Variants in DENND5A observed in about 807,000 individuals in gnomAD.
The protein encoded by DENND5A is DENN domain containing 5A.
DENND5A carries 64 observed loss-of-function variants against 140.3 expected under a neutral mutation model. The observed-to-expected ratio is 0.46, with a 90% CI of 0.37 to 0.56. DENND5A has a LOEUF of 0.56. DENND5A is among the 20% of genes least tolerant of loss of function. DENND5A has a pLI of 0.00. For missense variants in DENND5A, 1,292 were observed against 1,593.8 expected, an observed-to-expected ratio of 0.81 and a Z score of 3.22; for synonymous variants, 605 against 607.7, an observed-to-expected ratio of 1.00 and a Z score of 0.07.
chr11:9,150,333 T>C, intron 14 of DENND5A, 124 bp from the exon 15 acceptor site: 2 of 1,180,750 alleles, frequency 1.7e-6, no homozygotes, highest in Non-Finnish European at 2.4e-6. Context: ...GGAGAGCCTA[T>C]CTCTATATTC....
Position 9,265,131 on chromosome 11 carries a change from G to A in DENND5A, c.-62C>T, listed in dbSNP as rs1213824759. On this transcript the variant is annotated 5_prime_UTR_variant, in exon 1 of 23. Transcript: ENST00000328194. The surrounding 1 kb of genome is among the most constrained non-coding windows in gnomAD (Gnocchi z 4.7). ...GGCACCGAGCCCCCGCAACCCGGGC[G>A]CCCGCCCGTCCGCCCTCAGGCCGCC... 1.8e-5 allele frequency: 19 copies of A among 1,034,098 alleles called. No individual in the cohort carries two copies. Among genetic ancestry groups the A allele is most frequent in the Non-Finnish European group, 2.3e-5 (19 of 838,044 alleles). 64.1% of individuals were successfully genotyped at this position (1,034,098 alleles called of 1,614,324 possible). A position where few individuals can be genotyped will look rare whatever the true frequency, so the allele number is the denominator to read the frequency against.
Position 9,142,007 on chromosome 11 carries a change from T to C in DENND5A, c.3613A>G (p.Ile1205Val), listed in dbSNP as rs1847259929. Reference sequence around the variant, plus strand: ...CCGATGTTCCGGGGAGTATTGTTGATTGCAGTGACAAATCGGCAGAAGTTC... The same window carrying C: ...CCGATGTTCCGGGGAGTATTGTTGACTGCAGTGACAAATCGGCAGAAGTTC... The part of the protein sequence containing the change: ...ARNFCRFVTA[I>V]NNTPRNIGKD... Residue 1205 changes from isoleucine to valine, a missense_variant, in exon 22 of 23, where the codon ATC becomes GTC. Physicochemically the swap from Ile to Val is conservative, Grantham distance 29. Around this residue, in one of 4 missense-constraint regions of DENND5A, gnomAD observed 498 missense variants for 689.7 expected, o/e 0.72. Transcript: ENST00000328194. The C allele has an allele frequency of 6.2e-7, 1 of 1,607,300 alleles. No individual in the cohort carries two copies. Among genetic ancestry groups the C allele is most frequent in the Non-Finnish European group, 8.5e-7 (1 of 1,177,190 alleles).
rs565343456 is a variant in DENND5A, at chr11:9,257,642, C to T, written c.109+7319G>A. Among the ~76,000 whole-genome samples, 28 of 151,400 alleles carry T rather than the reference C, an allele frequency of 1.8e-4. No individual in the cohort carries two copies. The South Asian group carries it at 5.5e-3, about 29-fold the overall frequency. ...GACTACAGGTGCCCGCCATCGCACC[C>T]GGCTAATTTTTTTGAATTTTTAGTA... On this transcript the variant is annotated intron_variant, in intron 1 of 22. Transcript: ENST00000328194.
intron 1 of DENND5A, among the ~76,000 whole-genome samples, chr11:9,263,613 C>T (rs1329194390): frequency 1.4e-5 from 2 of 146,488 alleles, no homozygotes; most frequent in East Asian, 2.1e-4. Flanking sequence ...GAGGCCGAGG[C>T]GGGTGGATCA....
chr11:9,243,667 T>C (rs1351330500), intron 1 of DENND5A, among the ~76,000 whole-genome samples: 2 of 152,242 alleles, frequency 1.3e-5, no homozygotes, highest in East Asian at 3.9e-4. Context: ...GTAGGCGGAT[T>C]ACAAGGTCAG....
chr11:9,164,620 T>C (rs1317156398), intron 11 of DENND5A, among the ~76,000 whole-genome samples: 2 of 152,204 alleles, frequency 1.3e-5, no homozygotes, highest in African/African-American at 2.4e-5. Context: ...TAAGAATGAA[T>C]GTCTTTGTAG....
intron 4 of DENND5A, among the ~76,000 whole-genome samples, chr11:9,197,707 G>C (rs1417781160): frequency 6.6e-6 from 1 of 151,966 alleles, no homozygotes; most frequent in Non-Finnish European, 1.5e-5. Context: ...AAAAAAGTGA[G>C]TTGGGGAGAA....
chr11:9,227,056 T>C (rs1410770860), intron 1 of DENND5A, among the ~76,000 whole-genome samples: 1 of 151,974 alleles, frequency 6.6e-6, no homozygotes, highest in Non-Finnish European at 1.5e-5. Context: ...TAATCCCAGA[T>C]ACTCCAGAGG....
chr11:9,231,714 T>TTAAAAAAAAA (rs1335467204), intron 1 of DENND5A, among the ~76,000 whole-genome samples: 1 of 20,188 alleles, frequency 5.0e-5, no homozygotes, highest in Admixed American at 7.3e-4. Flanking sequence ...AAACTCCGTC[T>TTAAAAAAAAA]CAAAAAAAAA....
At chr11:9,242,147 T>C (rs1851264595) in intron 1 of DENND5A, among the ~76,000 whole-genome samples, 2 of 152,120 alleles carry the variant, frequency 1.3e-5, no homozygotes, top group Admixed American at 6.6e-5. Flanking sequence ...ACTGGTTCAT[T>C]ATGTTTATTT....
At chr11:9,191,301 T>C (rs11042213) in intron 5 of DENND5A, among the ~76,000 whole-genome samples, 78,932 of 151,740 alleles carry the variant, frequency 0.52, 21,501 homozygotes, top group African/African-American at 0.64. Context: ...TGCAGTGGCG[T>C]GATCTCGGCT....
intron 1 of DENND5A, among the ~76,000 whole-genome samples, chr11:9,261,733 G>A (rs1053999095): frequency 3.3e-4 from 46 of 139,800 alleles, no homozygotes; most frequent in African/African-American, 1.2e-3. Flanking sequence ...AGCCACTATT[G>A]CAGCACTGCA....
intron 1 of DENND5A, among the ~76,000 whole-genome samples, chr11:9,256,711 AGTGGT>A (rs1851960710): frequency 6.6e-6 from 1 of 152,212 alleles, no homozygotes; most frequent in African/African-American, 2.4e-5. Context: ...AAAGTAGATG[AGTGGT>A]TGCCTAGGGT....
chr11:9,152,027 A>T (rs544105190), intron 13 of DENND5A, among the ~76,000 whole-genome samples: 1 of 152,320 alleles, frequency 6.6e-6, no homozygotes, highest in South Asian at 2.1e-4. Context: ...CATGTCAGAG[A>T]AATAAAACAA....
At position 9,207,601 on chromosome 11, in the gene DENND5A, G is replaced by C. The variant is rs781047744; in HGVS notation, c.141C>G (p.Ala47=). The part of the protein sequence containing the change: ...ALCQYIQASK[A]RDGASPFISS... ...AAATGAAAGGGCTGGCACCATCCCT[G>C]GCTTTAGAAGCCTGTATGTACTGGC... The change falls in exon 2 of 23, where the codon GCC becomes GCG. Residue 47 remains alanine (A), a synonymous_variant. Coordinates refer to ENST00000328194, the MANE Select transcript of DENND5A (RefSeq NM_015213.4). The C allele has an allele frequency of 1.2e-6, 2 of 1,613,156 alleles. No individual in the cohort carries two copies. The highest frequency in any genetic ancestry group is 2.7e-5 in the African/African-American group (2 of 74,864).
intron 1 of DENND5A, among the ~76,000 whole-genome samples, chr11:9,253,553 C>A (rs1483321574): frequency 1.3e-5 from 2 of 151,698 alleles, no homozygotes; most frequent in Non-Finnish European, 2.9e-5. Flanking sequence ...ACTGTTCAAG[C>A]TGTTTAAGGC....
At chr11:9,241,661 C>T (rs1851238810) in intron 1 of DENND5A, among the ~76,000 whole-genome samples, 1 of 152,184 alleles carries the variant, frequency 6.6e-6, no homozygotes. Flanking sequence ...CCTTTGACTC[C>T]TTAGAATTCT....
intron 22 of DENND5A, among the ~76,000 whole-genome samples, chr11:9,140,686 T>C (rs2136108162): frequency 6.6e-6 from 1 of 152,320 alleles, no homozygotes; most frequent in South Asian, 2.1e-4. Context: ...TTTCCTTCCA[T>C]TAAAGGCTCA....
intron 12 of DENND5A, among the ~76,000 whole-genome samples, chr11:9,155,057 G>C (rs1367150068): frequency 6.6e-6 from 1 of 151,870 alleles, no homozygotes; most frequent in African/African-American, 2.4e-5. Flanking sequence ...GCTGAGGCAG[G>C]AGAACTGCTT....
Sources: gnomAD v4.1 joint callset for allele counts (sites outside exome capture counted in the v4.1 genomes callset) on GRCh38, gnomAD v4.1.1 for gene constraint, gnomAD v4.1.1 regional missense constraint, Gnocchi (gnomAD v3.1) non-coding constraint, MANE v1.5 for transcripts, NCBI Gene and HGNC (gene_info 2026-07-23, HGNC 2026-07-21) for gene names.